Variants in TENM3 observed in about 807,000 individuals in gnomAD.
TENM3 encodes the protein teneurin transmembrane protein 3.
In TENM3, 63 loss-of-function variants were observed where a neutral mutation model predicts 255.1. The ratio of observed to expected loss-of-function variants is 0.25; its 90% CI spans 0.20 to 0.30. The LOEUF is 0.30. Ranked by LOEUF, TENM3 falls within the 10% of genes least tolerant of loss-of-function variation. TENM3 has a pLI of 1.00. For missense variants in TENM3, 2,929 were observed against 3,461.1 expected, an observed-to-expected ratio of 0.85 and a Z score of 3.86; for synonymous variants, 1,306 against 1,322.3, an observed-to-expected ratio of 0.99 and a Z score of 0.27.
the TENM3 span, among the ~76,000 whole-genome samples, chr4:181,850,667 G>A: frequency 6.6e-6 from 1 of 151,848 alleles, no homozygotes; most frequent in African/African-American, 2.4e-5. Context: ...TTAACTAGGT[G>A]AATTACTGCT....
chr4:182,213,708 A>G (rs954709880), intron 1 of TENM3, among the ~76,000 whole-genome samples: 8 of 152,250 alleles, frequency 5.3e-5, no homozygotes, highest in Non-Finnish European at 1.0e-4. Flanking sequence ...ATTCTGAGCG[A>G]CAAACAAACC....
the TENM3 span, among the ~76,000 whole-genome samples, chr4:181,946,498 T>G: frequency 2.0e-5 from 3 of 152,186 alleles, no homozygotes; most frequent in Non-Finnish European, 4.4e-5. Flanking sequence ...TCTGAATTAC[T>G]GCTAATTTGT....
chr4:182,523,868 AACAAT>A (rs1255673476), intron 3 of TENM3, among the ~76,000 whole-genome samples: 12 of 152,218 alleles, frequency 7.9e-5, no homozygotes, highest in Admixed American at 7.9e-4. Flanking sequence ...AGAGAATAGA[AACAAT>A]ACATTTTACT....
chr4:182,343,087 T>TA (rs563772090), intron 2 of TENM3, among the ~76,000 whole-genome samples: 3 of 152,102 alleles, frequency 2.0e-5, no homozygotes, highest in East Asian at 1.9e-4. Context: ...AACGTGAACC[T>TA]AAAAAAAATG....
chr4:182,749,632 T>C (rs1479400981), intron 19 of TENM3, among the ~76,000 whole-genome samples: 1 of 152,184 alleles, frequency 6.6e-6, no homozygotes, highest in Non-Finnish European at 1.5e-5. Flanking sequence ...CCTTTACAGG[T>C]AAGGAACCTG....
At chr4:181,812,122 T>C in the TENM3 span, among the ~76,000 whole-genome samples, 1 of 152,156 alleles carries the variant, frequency 6.6e-6, no homozygotes, top group Non-Finnish European at 1.5e-5. Context: ...ATGACACAAA[T>C]CTGGCCAAAT....
chr4:182,466,967 A>T (rs1732662570), intron 3 of TENM3, among the ~76,000 whole-genome samples: 3 of 150,902 alleles, frequency 2.0e-5, no homozygotes. Flanking sequence ...AAACTGACTT[A>T]TGTTTCTTTT....
At chr4:181,492,926 A>G in the TENM3 span, among the ~76,000 whole-genome samples, 1 of 152,296 alleles carries the variant, frequency 6.6e-6, no homozygotes, top group East Asian at 1.9e-4. Flanking sequence ...GCCATAGTAA[A>G]TAAGAAGTTT....
chr4:181,849,780 A>G, the TENM3 span, among the ~76,000 whole-genome samples: 1 of 152,126 alleles, frequency 6.6e-6, no homozygotes, highest in Admixed American at 6.6e-5. Flanking sequence ...CTGCTGACAG[A>G]CACAAGGATA....
the TENM3 span, chr4:181,821,676 G>A: frequency 6.6e-6 from 1 of 152,064 alleles, no homozygotes; most frequent in Non-Finnish European, 1.5e-5. Context: ...TATAGAAAAC[G>A]GCAATGAGAA....
the TENM3 span, among the ~76,000 whole-genome samples, chr4:181,711,507 C>T: frequency 6.6e-6 from 1 of 152,106 alleles, no homozygotes; most frequent in Non-Finnish European, 1.5e-5. Context: ...AGAAACAAAA[C>T]AATCCTATTT....
the TENM3 span, among the ~76,000 whole-genome samples, chr4:181,851,125 C>T: frequency 5.6e-3 from 853 of 152,288 alleles, 3 homozygotes; most frequent in Non-Finnish European, 9.3e-3. Context: ...CCTCCTTCTC[C>T]ACTACAAGAC....
intron 1 of TENM3, among the ~76,000 whole-genome samples, chr4:182,155,414 G>A (rs1428938640): frequency 6.6e-6 from 1 of 151,868 alleles, no homozygotes; most frequent in African/African-American, 2.4e-5. Context: ...TTTCTGTTCT[G>A]CGTCATCTTC....
At chr4:181,889,492 C>T in the TENM3 span, among the ~76,000 whole-genome samples, 11 of 152,138 alleles carry the variant, frequency 7.2e-5, no homozygotes, top group Non-Finnish European at 1.3e-4. Flanking sequence ...TTTACAGCAA[C>T]GCAAGAACAG....
At chr4:182,187,425 T>TAA (rs887218536) in intron 1 of TENM3, among the ~76,000 whole-genome samples, 4 of 152,210 alleles carry the variant, frequency 2.6e-5, no homozygotes, top group African/African-American at 9.6e-5. Flanking sequence ...GCACTGTCCT[T>TAA]CTTTGAGTCA....
the TENM3 span, among the ~76,000 whole-genome samples, chr4:181,471,254 G>T: frequency 6.6e-6 from 1 of 152,264 alleles, no homozygotes; most frequent in Non-Finnish European, 1.5e-5. Flanking sequence ...CCAGCACATG[G>T]CTTCAACCAT....
At chr4:182,704,806 CA>C (rs1258510607) in intron 12 of TENM3, among the ~76,000 whole-genome samples, 3 of 147,662 alleles carry the variant, frequency 2.0e-5, no homozygotes, top group African/African-American at 5.0e-5. Flanking sequence ...CGTGTGCACA[CA>C]TGCATACACA....
the TENM3 span, among the ~76,000 whole-genome samples, chr4:181,947,221 G>T: frequency 2.6e-5 from 4 of 152,148 alleles, no homozygotes; most frequent in Non-Finnish European, 2.9e-5. Context: ...ATAATAAATT[G>T]ATATATATGG....
the TENM3 span, among the ~76,000 whole-genome samples, chr4:181,747,229 A>G: frequency 4.5e-4 from 68 of 152,148 alleles, no homozygotes; most frequent in Non-Finnish European, 7.9e-4. Context: ...GAGAAATTTC[A>G]TCCCCTTTTT....
Sources: gnomAD v4.1 joint callset for allele counts (sites outside exome capture counted in the v4.1 genomes callset) on GRCh38, gnomAD v4.1.1 for gene constraint, MANE v1.5 for transcripts, NCBI Gene and HGNC (gene_info 2026-07-23, HGNC 2026-07-21) for gene names.